The following GAP43 variants were observed in gnomAD, a reference collection of about 807,000 sequenced individuals.
GAP43 encodes the protein neuromodulin.
GAP43 carries 6 observed loss-of-function variants against 18.6 expected under a neutral mutation model. The ratio of observed to expected loss-of-function variants is 0.32; its 90% CI spans 0.18 to 0.64. The LOEUF (loss-of-function observed/expected upper bound fraction) is 0.64, where lower values mean the gene tolerates loss of function less well. Ranked by LOEUF, GAP43 falls within the 30% of genes least tolerant of loss-of-function variation. The probability of loss-of-function intolerance (pLI) is 0.78; values close to 1 mark genes in which losing one functional copy is unlikely to be tolerated. For synonymous variants in GAP43, 115 were observed against 111.4 expected, an observed-to-expected ratio of 1.03 and a Z score of -0.20; for missense variants, 292 against 295.5, an observed-to-expected ratio of 0.99 and a Z score of 0.09.
chr3:115,666,449 C>G (rs1576987753), intron 1 of GAP43, among the ~76,000 whole-genome samples: 1 of 152,066 alleles, frequency 6.6e-6, no homozygotes, highest in Admixed American at 6.5e-5. Context: ...TATCAACATG[C>G]CTTAACTTAA....
In GAP43 at chr3:115,676,502, G is replaced by C; in HGVS notation, c.520G>C (p.Val174Leu). 6.2e-7 allele frequency: 1 copy of C among 1,613,980 alleles called. No homozygotes were observed. Among genetic ancestry groups the C allele is most frequent in the Non-Finnish European group, 8.5e-7 (1 of 1,180,012 alleles). ...EPKQADVPAA[V>L]TAAAATTPAA... is the part of the protein sequence containing the mutation. ...TAAACAAGCCGATGTGCCTGCTGCT[G>C]TCACTGCTGCTGCTGCCACCACCCC... Residue 174 changes from valine to leucine, a missense_variant, in exon 2 of 3, where the codon GTC becomes CTC. Coordinates refer to ENST00000305124, the MANE Select transcript of GAP43 (RefSeq NM_002045.4).
At chr3:115,714,873 G>GCGCACACA (rs1553725677) in intron 2 of GAP43, among the ~76,000 whole-genome samples, 3 of 150,388 alleles carry the variant, frequency 2.0e-5, no homozygotes, top group African/African-American at 7.3e-5. Context: ...GTGTGCGCGT[G>GCGCACACA]CACACACACA....
intron 1 of GAP43, among the ~76,000 whole-genome samples, chr3:115,633,592 TA>T (rs1244674312): frequency 6.6e-6 from 1 of 152,154 alleles, no homozygotes; most frequent in Non-Finnish European, 1.5e-5. Context: ...CTGATGGCTC[TA>T]AAAGGAAGTA....
chr3:115,640,163 T>C (rs1316415007), intron 1 of GAP43, among the ~76,000 whole-genome samples: 1 of 152,058 alleles, frequency 6.6e-6, no homozygotes, highest in Non-Finnish European at 1.5e-5. Context: ...CAAAAGAATA[T>C]AATTTTTCTG....
chr3:115,652,496 C>A (rs1009910055), intron 1 of GAP43, among the ~76,000 whole-genome samples: 3 of 150,720 alleles, frequency 2.0e-5, no homozygotes, highest in Non-Finnish European at 4.4e-5. Flanking sequence ...GCAATTCTCC[C>A]ACTTCAGCTT....
intron 1 of GAP43, among the ~76,000 whole-genome samples, chr3:115,627,420 A>G (rs919260701): frequency 5.3e-5 from 8 of 151,780 alleles, no homozygotes; most frequent in African/African-American, 1.7e-4. Flanking sequence ...TGATGTTTCA[A>G]GCTAAAGGGC....
At chr3:115,684,696 G>A (rs1709012524) in intron 2 of GAP43, among the ~76,000 whole-genome samples, 1 of 152,190 alleles carries the variant, frequency 6.6e-6, no homozygotes, top group African/African-American at 2.4e-5. Flanking sequence ...ATCAGGATAT[G>A]TTTGTGAACC....
At chr3:115,663,980 A>C in intron 1 of GAP43, 1 of 1,477,832 alleles carries the variant, frequency 6.8e-7, no homozygotes, top group Non-Finnish European at 9.2e-7. Context: ...TCTGCCACTT[A>C]CTAGCTGTAT....
intron 2 of GAP43, among the ~76,000 whole-genome samples, chr3:115,714,920 G>A (rs1423721372): frequency 1.3e-5 from 2 of 151,864 alleles, no homozygotes; most frequent in East Asian, 3.9e-4. Context: ...GTCTTTGGCT[G>A]CTATAATAAA....
At chr3:115,711,933 C>A (rs941275604) in intron 2 of GAP43, among the ~76,000 whole-genome samples, 1 of 152,120 alleles carries the variant, frequency 6.6e-6, no homozygotes, top group Admixed American at 6.5e-5. Context: ...AATATATTTA[C>A]TTCATCTTAT....
At chr3:115,685,867 A>G (rs1285713690) in intron 2 of GAP43, among the ~76,000 whole-genome samples, 1 of 152,180 alleles carries the variant, frequency 6.6e-6, no homozygotes, top group African/African-American at 2.4e-5. Flanking sequence ...TAATAGATTC[A>G]TAAGAGAACC....
chr3:115,647,507 C>T (rs1350599566), intron 1 of GAP43, among the ~76,000 whole-genome samples: 1 of 151,828 alleles, frequency 6.6e-6, no homozygotes, highest in Non-Finnish European at 1.5e-5. Context: ...TCAGGACTCA[C>T]AGGAGGAGGC....
At chr3:115,684,574 C>T (rs1232697592) in intron 2 of GAP43, among the ~76,000 whole-genome samples, 1 of 152,114 alleles carries the variant, frequency 6.6e-6, no homozygotes, top group African/African-American at 2.4e-5. Flanking sequence ...GTAAGTTCCA[C>T]ATTTTCTTCA....
chr3:115,633,641 C>A (rs745596224), intron 1 of GAP43, among the ~76,000 whole-genome samples: 1 of 152,082 alleles, frequency 6.6e-6, no homozygotes, highest in Non-Finnish European at 1.5e-5. Flanking sequence ...AGCTTATACA[C>A]CTAAAAAAGA....
rs1708882781 is a variant in GAP43 at position 115,676,232 on chromosome 3, G to A, written c.250G>A (p.Gly84Ser). 1 of 1,614,050 alleles carries A rather than the reference G, an allele frequency of 6.2e-7. No homozygotes were observed. Among genetic ancestry groups the A allele is most frequent in the African/African-American group, 1.3e-5 (1 of 74,914 alleles). ...VADGVEKKGE[G>S]TTTAEAAPAT... ...CGATGGGGTGGAGAAGAAGGGAGAA[G>A]GCACCACTACTGCCGAAGCAGCCCC... is the stretch of plus-strand genomic sequence containing the variant. The change falls in exon 2 of 3, where the codon GGC becomes AGC. Residue 84 changes from glycine (G) to serine (S), a missense_variant. Physicochemically the swap from Gly to Ser is moderately conservative, Grantham distance 56 (BLOSUM62 0). Transcript: ENST00000305124.
In GAP43 at chr3:115,644,799, G is replaced by A. The variant is rs1708438096; in HGVS notation, c.30+21080G>A. ...GCAAGTGGCACAATGTCAGACACTG[G>A]GTTCTGTGCTTATAACCTGATCTCA... On this transcript the variant is annotated intron_variant, in intron 1 of 2. Transcript: ENST00000305124. The surrounding 1 kb of genome is among the most constrained non-coding windows in gnomAD (Gnocchi z 4.2). Among the ~76,000 whole-genome samples the A allele has an allele frequency of 6.6e-6, 1 of 152,044 alleles. No homozygotes were observed. The highest frequency in any genetic ancestry group is 6.6e-5 in the Admixed American group (1 of 15,240).
intron 1 of GAP43, chr3:115,663,421 T>C (rs1205362459): frequency 1.8e-6 from 1 of 568,472 alleles, no homozygotes; most frequent in Non-Finnish European, 2.3e-6. Flanking sequence ...GCTTTTCTCA[T>C]TTATTAAATA....
At chr3:115,713,149 T>G (rs1270192755) in intron 2 of GAP43, among the ~76,000 whole-genome samples, 4 of 152,206 alleles carry the variant, frequency 2.6e-5, no homozygotes, top group Non-Finnish European at 5.9e-5. Flanking sequence ...AAGGGCCATA[T>G]GTGAGTTAGC....
intron 1 of GAP43, among the ~76,000 whole-genome samples, chr3:115,655,821 G>A (rs184163475): frequency 6.6e-6 from 1 of 152,284 alleles, no homozygotes; most frequent in Admixed American, 6.5e-5. Context: ...TTTAAGCTAT[G>A]CTTCTATAAT....
Sources: allele counts gnomAD v4.1 joint callset (sites outside exome capture counted in the v4.1 genomes callset), GRCh38; gene constraint gnomAD v4.1.1; non-coding constraint Gnocchi (gnomAD v3.1); transcripts MANE v1.5; gene names NCBI Gene and HGNC (gene_info 2026-07-23, HGNC 2026-07-21).